Variants in SFMBT2 observed in about 807,000 individuals in gnomAD.
SFMBT2 encodes Scm like with four mbt domains 2, also known as scm-like with four MBT domains protein 2.
Under a neutral mutation model 110.1 loss-of-function variants are expected in SFMBT2, and 38 were observed. That is an observed-to-expected ratio of 0.35 (90% CI 0.27 to 0.45). The LOEUF (loss-of-function observed/expected upper bound fraction) is 0.45. Among genes scored for constraint, SFMBT2 ranks in the 20% least tolerant of loss-of-function variants. The pLI is 1.00. For synonymous variants in SFMBT2, 425 were observed against 425.4 expected (o/e 1.00, Z 0.01); for missense variants, 1,011 against 1,094.9 (o/e 0.92, Z 1.08).
chr10:7,360,089 C>A (rs1453489226), intron 4 of SFMBT2, among the ~76,000 whole-genome samples: 1 of 152,210 alleles, frequency 6.6e-6, no homozygotes, highest in Non-Finnish European at 1.5e-5. Context: ...AGGAGGTGCA[C>A]ACAAAAGTAT....
At chr10:7,265,346 C>T (rs927793331) in intron 7 of SFMBT2, among the ~76,000 whole-genome samples, 7 of 152,022 alleles carry the variant, frequency 4.6e-5, no homozygotes, top group African/African-American at 1.2e-4. Flanking sequence ...GGATAACATG[C>T]GCATGCCACC....
At chr10:7,213,717 G>A (rs112811406) in intron 11 of SFMBT2, among the ~76,000 whole-genome samples, 9,064 of 141,902 alleles carry the variant, frequency 0.064, 412 homozygotes, top group Admixed American at 0.089. Context: ...ATCCGTGTGC[G>A]AGGCCATGGG....
At chr10:7,384,284 A>G (rs944805289) in intron 1 of SFMBT2, among the ~76,000 whole-genome samples, 1 of 147,924 alleles carries the variant, frequency 6.8e-6, no homozygotes, top group African/African-American at 2.5e-5. Context: ...AGAGAAATGG[A>G]CATGACGTGC....
chr10:7,279,967 A>T (rs894347361), intron 6 of SFMBT2, among the ~76,000 whole-genome samples: 3 of 152,198 alleles, frequency 2.0e-5, no homozygotes, highest in African/African-American at 7.2e-5. Context: ...GTTTCTCCTC[A>T]CAATTCTTAC....
chr10:7,210,858 G>C (rs1839325034), intron 11 of SFMBT2, among the ~76,000 whole-genome samples: 1 of 151,558 alleles, frequency 6.6e-6, no homozygotes, highest in Non-Finnish European at 1.5e-5. Flanking sequence ...TGGTGGCCAG[G>C]ATCAAGGTAT....
intron 16 of SFMBT2, among the ~76,000 whole-genome samples, chr10:7,185,971 A>C (rs1838389814): frequency 6.6e-6 from 1 of 151,844 alleles, no homozygotes; most frequent in Non-Finnish European, 1.5e-5. Context: ...ATGAGAAGCC[A>C]TTTTTTTTCC....
chr10:7,311,995 C>CA (rs1842869906), intron 4 of SFMBT2, among the ~76,000 whole-genome samples: 1 of 152,058 alleles, frequency 6.6e-6, no homozygotes, highest in South Asian at 2.1e-4. Context: ...CCAAACACCG[C>CA]ATGTTCTCAC....
chr10:7,347,266 C>T (rs538804243), intron 4 of SFMBT2, among the ~76,000 whole-genome samples: 2 of 152,314 alleles, frequency 1.3e-5, no homozygotes, highest in Admixed American at 6.5e-5. Context: ...CCCTTTCCCT[C>T]TTTCTTGCTG....
rs117569774 is a variant in SFMBT2, at chr10:7,332,578, C to T, written c.436+35071G>A. Among the ~76,000 whole-genome samples, 229 of 152,226 alleles carry T rather than the reference C, an allele frequency of 1.5e-3. 2 individuals carry two copies. The East Asian group carries it at 0.04, about 26-fold the overall frequency. On this transcript the variant is annotated intron_variant, in intron 4 of 20. Coordinates refer to ENST00000397167, the MANE Select transcript of SFMBT2 (RefSeq NM_001387889.1). The stretch of plus-strand genomic sequence containing the variant: ...ATTTTTACAATGTTCACTTCCTCCC[C>T]GACCCAGCTTATAAAAATGCTTTTT...
chr10:7,282,967 A>AAGGCCGGTAAGAGG (rs1455026085), intron 6 of SFMBT2, among the ~76,000 whole-genome samples: 1 of 152,160 alleles, frequency 6.6e-6, no homozygotes, highest in Non-Finnish European at 1.5e-5. Flanking sequence ...TTCCCATTCA[A>AAGGCCGGTAAGAGG]AGGCCGGTAA....
rs2762615 is a variant in SFMBT2, at chr10:7,182,412, C to A, written c.1808+6212G>T. On this transcript the variant is annotated intron_variant, in intron 16 of 20. Coordinates refer to ENST00000397167, the MANE Select transcript of SFMBT2 (RefSeq NM_001387889.1). ...ATTTTTACCTTCCAAGAAAGACTTA[C>A]AAACAGCATACCAATGACATAACTT... 9.6e-3 allele frequency among the ~76,000 whole-genome samples: 1,458 copies of A among 152,208 alleles called. 21 individuals are homozygous for A. The highest frequency in any genetic ancestry group is 0.032 in the African/African-American group (1,340 of 41,506).
chr10:7,201,605 C>T (rs1838960595), intron 13 of SFMBT2, among the ~76,000 whole-genome samples: 1 of 152,198 alleles, frequency 6.6e-6, no homozygotes. Flanking sequence ...TAAATTTAAA[C>T]TCGACTACCG....
chr10:7,332,394 A>G (rs1843588637), intron 4 of SFMBT2, among the ~76,000 whole-genome samples: 1 of 152,240 alleles, frequency 6.6e-6, no homozygotes, highest in Non-Finnish European at 1.5e-5. Flanking sequence ...GGTGCTATTC[A>G]TCAATAGCAA....
At chr10:7,237,979 C>G (rs565006839) in intron 9 of SFMBT2, among the ~76,000 whole-genome samples, 1 of 152,240 alleles carries the variant, frequency 6.6e-6, no homozygotes, top group South Asian at 2.1e-4. Context: ...ATGAGAGTGA[C>G]TGGGACAGAC....
intron 15 of SFMBT2, among the ~76,000 whole-genome samples, chr10:7,190,531 C>T (rs905200727): frequency 6.6e-6 from 1 of 152,212 alleles, no homozygotes. Flanking sequence ...TTTCTTGATG[C>T]CACATCATCC....
At chr10:7,186,609 C>G (rs1838420595) in intron 16 of SFMBT2, among the ~76,000 whole-genome samples, 1 of 152,052 alleles carries the variant, frequency 6.6e-6, no homozygotes, top group South Asian at 2.1e-4. Context: ...CACGCCTGGC[C>G]TGGACCAAAT....
intron 16 of SFMBT2, among the ~76,000 whole-genome samples, chr10:7,182,304 T>C (rs1041410492): frequency 1.1e-4 from 16 of 152,208 alleles, no homozygotes; most frequent in Non-Finnish European, 2.2e-4. Context: ...TCCCAGAGTG[T>C]TGGTATTACA....
chr10:7,340,206 A>G (rs1588462219), intron 4 of SFMBT2, among the ~76,000 whole-genome samples: 1 of 152,196 alleles, frequency 6.6e-6, no homozygotes, highest in African/African-American at 2.4e-5. Context: ...AGAAAATCAA[A>G]AGGAAGCGAA....
chr10:7,209,180 C>T lies in SFMBT2; in HGVS notation c.1331-3252G>A, dbSNP rs149697510. On this transcript the variant is annotated intron_variant, in intron 11 of 20. Transcript: ENST00000397167. ...CCAAGACAGGAGACCCAATAGCATG[C>T]AAAATAATCTATTAAAAGAATGTCC... is the stretch of plus-strand genomic sequence containing the variant. Among the ~76,000 whole-genome samples the T allele has an allele frequency of 3.3e-3, 500 of 152,302 alleles. 2 individuals are homozygous for T. Among genetic ancestry groups the T allele is most frequent in the African/African-American group, 0.011 (469 of 41,568 alleles).
Sources: allele counts gnomAD v4.1 joint callset (sites outside exome capture counted in the v4.1 genomes callset), GRCh38; gene constraint gnomAD v4.1.1; transcripts MANE v1.5; gene names NCBI Gene and HGNC (gene_info 2026-07-23, HGNC 2026-07-21).